Variants in LRCOL1 observed in about 807,000 individuals in gnomAD.
LRCOL1 encodes the protein leucine rich colipase like 1.
A neutral mutation model predicts 21.6 loss-of-function variants in LRCOL1; 21 were observed. That is an observed-to-expected ratio of 0.97 (90% CI 0.69 to 1.40). LRCOL1 has a LOEUF of 1.40. Ranked by LOEUF, LRCOL1 falls within the 40% of genes most tolerant of loss-of-function variation. The pLI is 0.00. For missense variants in LRCOL1, 198 were observed against 202.3 expected, an observed-to-expected ratio of 0.98 and a Z score of 0.13; for synonymous variants, 98 against 90.1, an observed-to-expected ratio of 1.09 and a Z score of -0.49.
intron 5 of LRCOL1, 152 bp downstream of exon 5, chr12:132,604,102 G>T (rs73479601): frequency 2.1e-6 from 3 of 1,430,712 alleles, no homozygotes; most frequent in African/African-American, 2.9e-5. Context: ...TGAGATGGGC[G>T]GTGAAGCGCC....
Position 132,604,564 on chromosome 12 carries a change from C to A in LRCOL1, c.252G>T (p.Ser84=), listed in dbSNP as rs1236196816. Reference sequence around the variant, plus strand: ...AGCTGCTCTGGCACTCTGAGTCGTGCGAGCATCTGTACCCATTGGGCTATG... The same window carrying A: ...AGCTGCTCTGGCACTCTGAGTCGTGAGAGCATCTGTACCCATTGGGCTATG... The part of the protein sequence containing the change: ...PWRKPNGYRC[S]HDSECQSSCC... The change falls in exon 4 of 6, where the codon TCG becomes TCT. Residue 84 remains serine (S), a synonymous_variant. Transcript: ENST00000376608. The A allele has an allele frequency of 6.5e-7, 1 of 1,535,848 alleles. No homozygotes were observed. Among genetic ancestry groups the A allele is most frequent in the African/African-American group, 1.4e-5 (1 of 73,046 alleles).
chr12:132,607,377 C>T (rs566886614), intron 1 of LRCOL1, among the ~76,000 whole-genome samples: 1 of 152,382 alleles, frequency 6.6e-6, no homozygotes, highest in Admixed American at 6.5e-5. Flanking sequence ...TTTCTCCACA[C>T]TGGCCATAAA....
In LRCOL1 at chr12:132,603,421, AG is replaced by A. The variant is rs1566276168; in HGVS notation, c.478-18del. On this transcript the variant is annotated intron_variant, in intron 5 of 5. Coordinates refer to ENST00000376608, the MANE Select transcript of LRCOL1 (RefSeq NM_001195520.2). Reference sequence around the variant, plus strand: ...CTCACATCACTGAAGGAGAAGCCAAAGCTGAGGAAACGTGCAGGGGACGGGC... The same window carrying A: ...CTCACATCACTGAAGGAGAAGCCAAACTGAGGAAACGTGCAGGGGACGGGC... The A allele has an allele frequency of 3.3e-6, 5 of 1,536,200 alleles. No individual in the cohort carries two copies. The highest frequency in any genetic ancestry group is 3.5e-6 in the Non-Finnish European group (4 of 1,146,908).
At position 132,606,414 on chromosome 12, in the gene LRCOL1, T is replaced by A; in HGVS notation, c.-13-150A>T. 1 of 701,684 alleles carries A rather than the reference T, an allele frequency of 1.4e-6. No homozygotes were observed. The highest frequency in any genetic ancestry group is 2.3e-6 in the Non-Finnish European group (1 of 432,258). The allele number at this position is 701,684 out of a possible 1,614,324, so 43.5% of individuals were successfully genotyped here. Reference sequence around the variant, plus strand: ...TAAAAACTTAATGGACTTTATTTTCTAAAGCAGTTTTATGCTTACAAAAAA... The same window carrying A: ...TAAAAACTTAATGGACTTTATTTTCAAAAGCAGTTTTATGCTTACAAAAAA... On this transcript the variant is annotated intron_variant, in intron 1 of 5. Transcript: ENST00000376608. The surrounding 1 kb of genome is among the most constrained non-coding windows in gnomAD (Gnocchi z 4.6).
At chr12:132,607,443 A>G (rs1310145827) in intron 1 of LRCOL1, among the ~76,000 whole-genome samples, 1 of 152,256 alleles carries the variant, frequency 6.6e-6, no homozygotes. Context: ...ACCATTCGTT[A>G]TGTAAGATGA....
chr12:132,603,882 G>C, intron 5 of LRCOL1: 3 of 1,181,430 alleles, frequency 2.5e-6, no homozygotes, highest in Non-Finnish European at 2.1e-6. Flanking sequence ...GGAGGGAGGG[G>C]AGAAGCCAGG....
chr12:132,606,119 AG>A lies in LRCOL1; in HGVS notation c.105+27del. On this transcript the variant is annotated intron_variant, in intron 2 of 5. Coordinates refer to ENST00000376608, the MANE Select transcript of LRCOL1 (RefSeq NM_001195520.2). This position sits in a 1 kb window ranked among gnomAD's most constrained non-coding sequence, Gnocchi z 4.6. ...ACCTTATGGCGCGTGTGGGGCCTGC[AG>A]GGGCATCAGGGGTGCCCGGCACCCA... The A allele has an allele frequency of 6.5e-7, 1 of 1,532,246 alleles. No homozygotes were observed. The highest frequency in any genetic ancestry group is 8.7e-7 in the Non-Finnish European group (1 of 1,143,536). 94.9% of individuals were successfully genotyped at this position (1,532,246 alleles called of 1,614,324 possible). A position where few individuals can be genotyped will look rare whatever the true frequency, so the allele number is the denominator to read the frequency against.
intron 5 of LRCOL1, chr12:132,603,693 T>C (rs1434126167): frequency 1.0e-6 from 1 of 985,218 alleles, no homozygotes; most frequent in Non-Finnish European, 1.2e-6. Flanking sequence ...GCCACGACCC[T>C]TTCACCCCAG....
chr12:132,608,210 C>A lies in LRCOL1; in HGVS notation c.-13-1946G>T, dbSNP rs139481092. Among the ~76,000 whole-genome samples the A allele has an allele frequency of 1.4e-3, 209 of 152,280 alleles. 2 individuals carry two copies. Among genetic ancestry groups the A allele is most frequent in the African/African-American group, 4.9e-3 (205 of 41,558 alleles). On this transcript the variant is annotated intron_variant, in intron 1 of 5. Coordinates refer to ENST00000376608, the MANE Select transcript of LRCOL1 (RefSeq NM_001195520.2). Reference sequence around the variant, plus strand: ...CACACTCAAGACCAGCCAGAGGAACCCAAATATGGATGCCCACCTCCCCCA... The same window carrying A: ...CACACTCAAGACCAGCCAGAGGAACACAAATATGGATGCCCACCTCCCCCA...
In LRCOL1 at chr12:132,606,301, G is replaced by A. The variant is rs537505692; in HGVS notation, c.-13-37C>T. On this transcript the variant is annotated intron_variant, in intron 1 of 5. Coordinates refer to ENST00000376608, the MANE Select transcript of LRCOL1 (RefSeq NM_001195520.2). The surrounding 1 kb of genome is among the most constrained non-coding windows in gnomAD (Gnocchi z 4.6). ...CAGGATTGTGTGGGAGTGTGTCCAC[G>A]CCAGCCTTGTCCTGCCTGGCACCTG... 2.3e-4 allele frequency: 350 copies of A among 1,517,462 alleles called. No individual in the cohort carries two copies. The highest frequency in any genetic ancestry group is 8.7e-4 in the Admixed American group (44 of 50,782). The allele number at this position is 1,517,462 out of a possible 1,614,324, so 94.0% of individuals were successfully genotyped here. A position where few individuals can be genotyped will look rare whatever the true frequency, so the allele number is the denominator to read the frequency against.
chr12:132,603,455 C>T (rs748948553), intron 5 of LRCOL1, 51 bp from the exon 6 acceptor site: 3 of 1,535,878 alleles, frequency 2.0e-6, no homozygotes, highest in African/African-American at 1.4e-5. Flanking sequence ...GGCCTCGAAG[C>T]GGCCGCGGAA....
intron 1 of LRCOL1, among the ~76,000 whole-genome samples, chr12:132,607,980 CCTGTCTCTGTCTCTCT>C (rs755455063): frequency 0.07 from 9,818 of 139,544 alleles, 390 homozygotes; most frequent in Admixed American, 0.13. Context: ...TTTCTGTCTC[CCTGTCTCTGTCTCTCT>C]CTGTCTCTGT....
At position 132,606,072 on chromosome 12, in the gene LRCOL1, G is replaced by A; in HGVS notation, c.105+75C>T. On this transcript the variant is annotated intron_variant, in intron 2 of 5. Transcript: ENST00000376608. This position sits in a 1 kb window ranked among gnomAD's most constrained non-coding sequence, Gnocchi z 4.6. ...GCCCTCGCGGGTGGGGACTGCAAGG[G>A]CCTCAGGGGCGCCCGGCACCCACCT... 7.1e-7 allele frequency: 1 copy of A among 1,416,670 alleles called. No individual in the cohort carries two copies. Among genetic ancestry groups the A allele is most frequent in the Middle Eastern group, 1.9e-4 (1 of 5,380 alleles). 87.8% of individuals were successfully genotyped at this position (1,416,670 alleles called of 1,614,324 possible).
chr12:132,603,280 C>A lies in LRCOL1; in HGVS notation c.*122G>T. ...TTCAGTTCCCACAGATTTTCAGAGC[C>A]CCAGAAACAGCAGCACAAACCGTAA... On this transcript the variant is annotated 3_prime_UTR_variant, in exon 6 of 6. Coordinates refer to ENST00000376608, the MANE Select transcript of LRCOL1 (RefSeq NM_001195520.2). 1 of 1,425,022 alleles carries A rather than the reference C, an allele frequency of 7.0e-7. No homozygotes were observed. Among genetic ancestry groups the A allele is most frequent in the Non-Finnish European group, 9.5e-7 (1 of 1,053,030 alleles). 88.3% of individuals were successfully genotyped at this position (1,425,022 alleles called of 1,614,324 possible). A position where few individuals can be genotyped will look rare whatever the true frequency, so the allele number is the denominator to read the frequency against.
Position 132,603,411 on chromosome 12 carries a change from G to C in LRCOL1, c.478-7C>G, listed in dbSNP as rs1208087446. The C allele has an allele frequency of 1.8e-5, 27 of 1,536,074 alleles. No homozygotes were observed. The highest frequency in any genetic ancestry group is 2.0e-5 in the Non-Finnish European group (23 of 1,146,888). Reference sequence around the variant, plus strand: ...CAGGTTCGAGCTCACATCACTGAAGGAGAAGCCAAAGCTGAGGAAACGTGC... The same window carrying C: ...CAGGTTCGAGCTCACATCACTGAAGCAGAAGCCAAAGCTGAGGAAACGTGC... On this transcript the variant is annotated splice_region_variant and splice_polypyrimidine_tract_variant and intron_variant, in intron 5 of 5. Transcript: ENST00000376608.
At position 132,606,074 on chromosome 12, in the gene LRCOL1, C is replaced by A. The variant is rs1433477280; in HGVS notation, c.105+73G>T. On this transcript the variant is annotated intron_variant, in intron 2 of 5. Coordinates refer to ENST00000376608, the MANE Select transcript of LRCOL1 (RefSeq NM_001195520.2). This position sits in a 1 kb window ranked among gnomAD's most constrained non-coding sequence, Gnocchi z 4.6. ...CCTCGCGGGTGGGGACTGCAAGGGC[C>A]TCAGGGGCGCCCGGCACCCACCTTA... is the stretch of plus-strand genomic sequence containing the variant. The A allele has an allele frequency of 6.9e-7, 1 of 1,458,180 alleles. No homozygotes were observed. Among genetic ancestry groups the A allele is most frequent in the Non-Finnish European group, 9.3e-7 (1 of 1,079,154 alleles). The allele number at this position is 1,458,180 out of a possible 1,614,324, so 90.3% of individuals were successfully genotyped here.
Position 132,606,102 on chromosome 12 carries a change from G to A in LRCOL1, c.105+45C>T. 1 of 1,523,144 alleles carries A rather than the reference G, an allele frequency of 6.6e-7. No homozygotes were observed. Among genetic ancestry groups the A allele is most frequent in the Non-Finnish European group, 8.8e-7 (1 of 1,135,574 alleles). The allele number at this position is 1,523,144 out of a possible 1,614,324, so 94.4% of individuals were successfully genotyped here. On this transcript the variant is annotated intron_variant, in intron 2 of 5. Coordinates refer to ENST00000376608, the MANE Select transcript of LRCOL1 (RefSeq NM_001195520.2). This position sits in a 1 kb window ranked among gnomAD's most constrained non-coding sequence, Gnocchi z 4.6. ...AGGGGCGCCCGGCACCCACCTTATGGCGCGTGTGGGGCCTGCAGGGGCATC... is the reference window on the plus strand; with the variant it reads ...AGGGGCGCCCGGCACCCACCTTATGACGCGTGTGGGGCCTGCAGGGGCATC...
intron 1 of LRCOL1, among the ~76,000 whole-genome samples, chr12:132,607,056 G>A (rs1456371517): frequency 2.0e-5 from 3 of 152,222 alleles, no homozygotes. Context: ...TTGCTGCCCA[G>A]CCCCGCAGCA....
chr12:132,606,173 G>C lies in LRCOL1; in HGVS notation c.79C>G (p.Gln27Glu), dbSNP rs529621157. Reference sequence around the variant, plus strand: ...TTATGGGACAGGTTCAACTTCTTCTGTGGCCCATACCCTGCCATGGACCCC... The same window carrying C: ...TTATGGGACAGGTTCAACTTCTTCTCTGGCCCATACCCTGCCATGGACCCC... ...LLGSMAGYGP[Q>E]KKLNLSHKGI... The change falls in exon 2 of 6, where the codon CAG becomes GAG. Residue 27 changes from glutamine (Q) to glutamate (E), a missense_variant. By Grantham distance (29) the Gln-to-Glu change is conservative. Transcript: ENST00000376608. The surrounding 1 kb of genome is among the most constrained non-coding windows in gnomAD (Gnocchi z 4.6). The C allele has an allele frequency of 1.1e-5, 17 of 1,536,482 alleles. No homozygotes were observed. The African/African-American group carries it at 2.2e-4, about 20-fold the overall frequency.
Sources: gnomAD v4.1 joint callset for allele counts (sites outside exome capture counted in the v4.1 genomes callset) on GRCh38, gnomAD v4.1.1 for gene constraint, Gnocchi (gnomAD v3.1) non-coding constraint, MANE v1.5 for transcripts, NCBI Gene and HGNC (gene_info 2026-07-23, HGNC 2026-07-21) for gene names.